Variants in NFAM1 observed in about 807,000 individuals in gnomAD.
NFAM1 encodes NFAT activating protein with ITAM motif 1.
NFAM1 carries 17 observed loss-of-function variants against 29.0 expected under a neutral mutation model. The observed-to-expected ratio is 0.59, with a 90% confidence interval of 0.40 to 0.88. NFAM1 has a LOEUF of 0.88. Ranked by LOEUF, NFAM1 falls within the 40% of genes least tolerant of loss-of-function variation. The pLI, the probability that NFAM1 is intolerant of heterozygous loss-of-function variation, is 0.00. For synonymous variants in NFAM1, 175 were observed against 147.2 expected, an observed-to-expected ratio of 1.19 and a Z score of -1.36; for missense variants, 324 against 344.6, an observed-to-expected ratio of 0.94 and a Z score of 0.47.
intron 1 of NFAM1, among the ~76,000 whole-genome samples, chr22:42,416,202 G>A (rs1401907948): frequency 6.6e-6 from 1 of 152,230 alleles, no homozygotes; most frequent in Non-Finnish European, 1.5e-5. Flanking sequence ...TAGGAGTGGT[G>A]GCACACGCCT....
chr22:42,434,550 T>G (rs1344773480), upstream of NFAM1, among the ~76,000 whole-genome samples: 2 of 152,206 alleles, frequency 1.3e-5, no homozygotes, highest in Non-Finnish European at 2.9e-5. Context: ...CCAGCAGCCC[T>G]GGCTGCGCTG....
At chr22:42,432,799 T>C (rs886530935), upstream of NFAM1, among the ~76,000 whole-genome samples, 2 of 152,270 alleles carry the variant, frequency 1.3e-5, no homozygotes, top group Non-Finnish European at 2.9e-5. Context: ...AATCCCTTAA[T>C]AATGTGTTTA....
chr22:42,418,097 C>A (rs1312284429), intron 1 of NFAM1, among the ~76,000 whole-genome samples: 2 of 152,182 alleles, frequency 1.3e-5, no homozygotes, highest in African/African-American at 4.8e-5. Context: ...TGTGAGGAAG[C>A]CTTGGGCCTG....
intron 1 of NFAM1, among the ~76,000 whole-genome samples, chr22:42,431,910 CT>C (rs1388543510): frequency 2.0e-5 from 3 of 152,100 alleles, no homozygotes; most frequent in Non-Finnish European, 4.4e-5. Context: ...GGAGCTGTCC[CT>C]CCCCCCTGCC....
intron 3 of NFAM1, among the ~76,000 whole-genome samples, chr22:42,402,664 C>G (rs369429171): frequency 6.7e-6 from 1 of 149,864 alleles, no homozygotes; most frequent in Non-Finnish European, 1.5e-5. Flanking sequence ...GACGGGCCAG[C>G]CGCAGGGAGC....
chr22:42,385,190 C>T lies in NFAM1; in HGVS notation c.784G>A (p.Glu262Lys), dbSNP rs145224229. ...ERPHRFEDDG[E>K]LNLVYENL ...AGATTTTCATAGACCAGGTTAAGTT[C>T]GCCATCATCTTCGAATCTATGCGGT... Residue 262 changes from glutamate (E) to lysine (K), a missense_variant, in exon 6 of 6, where the codon GAA becomes AAA. By Grantham distance (56) the Glu-to-Lys change is moderately conservative. Coordinates refer to ENST00000329021, the MANE Select transcript of NFAM1 (RefSeq NM_145912.8). 7.4e-6 allele frequency: 12 copies of T among 1,612,878 alleles called. No homozygotes were observed. Among genetic ancestry groups the T allele is most frequent in the Admixed American group, 3.3e-5 (2 of 60,002 alleles).
At chr22:42,417,156 G>T (rs573790632) in intron 1 of NFAM1, among the ~76,000 whole-genome samples, 1 of 152,204 alleles carries the variant, frequency 6.6e-6, no homozygotes, top group Admixed American at 6.5e-5. Context: ...GAGGCACCTC[G>T]CCCCTCACCC....
chr22:42,388,586 G>A lies in NFAM1; in HGVS notation c.664-1508C>T, dbSNP rs554648457. 8.5e-5 allele frequency among the ~76,000 whole-genome samples: 13 copies of A among 152,278 alleles called. No homozygotes were observed. The East Asian group carries it at 1.4e-3, about 16-fold the overall frequency. On this transcript the variant is annotated intron_variant, in intron 4 of 5. Transcript: ENST00000329021. The surrounding 1 kb of genome is among the most constrained non-coding windows in gnomAD (Gnocchi z 4.1). Reference sequence around the variant, plus strand: ...GGTTTCCCTGGCAACAGGCAAGCAGGGGTTGCTGAGGCAGGCTGGAGAGAC... The same window carrying A: ...GGTTTCCCTGGCAACAGGCAAGCAGAGGTTGCTGAGGCAGGCTGGAGAGAC...
At chr22:42,407,493 C>T (rs1222095325) in intron 3 of NFAM1, among the ~76,000 whole-genome samples, 1 of 152,060 alleles carries the variant, frequency 6.6e-6, no homozygotes, top group East Asian at 1.9e-4. Flanking sequence ...TTCAGCCTCC[C>T]AAGTAGCTGG....
rs1052666515 is a variant in NFAM1 at position 42,384,741 on chromosome 22, C to T, written c.*420G>A. ...CGGCTCCCCACACAGCACTGCTAGG[C>T]GCCCCTGCAGGGTCCTCCCTCAGCT... On this transcript the variant is annotated 3_prime_UTR_variant, in exon 6 of 6. Coordinates refer to ENST00000329021, the MANE Select transcript of NFAM1 (RefSeq NM_145912.8). The T allele has an allele frequency of 3.1e-5, 7 of 223,050 alleles. No individual in the cohort carries two copies. Among genetic ancestry groups the T allele is most frequent in the South Asian group, 6.5e-5 (1 of 15,348 alleles). The allele number at this position is 223,050 out of a possible 1,614,324, so 13.8% of individuals were successfully genotyped here.
chr22:42,380,841 T>C lies in NFAM1; in HGVS notation c.*4320A>G, dbSNP rs1323770271. 6.6e-6 allele frequency: 1 copy of C among 152,278 alleles called. No homozygotes were observed. Among genetic ancestry groups the C allele is most frequent in the African/African-American group, 2.4e-5 (1 of 41,346 alleles). The allele number at this position is 152,278 out of a possible 1,614,324, so 9.4% of individuals were successfully genotyped here. A position where few individuals can be genotyped will look rare whatever the true frequency, so the allele number is the denominator to read the frequency against. On this transcript the variant is annotated 3_prime_UTR_variant, in exon 6 of 6. Coordinates refer to ENST00000329021, the MANE Select transcript of NFAM1 (RefSeq NM_145912.8). ...GAGAAAGAAAAAGGAAAAGCAGGTT[T>C]TGCCTGTAACTTGAGTTCAGGTTTG...
intron 1 of NFAM1, among the ~76,000 whole-genome samples, chr22:42,415,126 C>T (rs140817000): frequency 3.7e-4 from 57 of 152,070 alleles, no homozygotes; most frequent in African/African-American, 1.1e-3. Context: ...GAGAGGAAGC[C>T]GTCTCTGACG....
At position 42,384,510 on chromosome 22, in the gene NFAM1, C is replaced by T. The variant is rs561540036; in HGVS notation, c.*651G>A. On this transcript the variant is annotated 3_prime_UTR_variant, in exon 6 of 6. Transcript: ENST00000329021. ...CCAAGCCCTCTCTGCTCCATGCCCCCAGCCTGCTGACCACCTCTCAGCCAT... is the reference window on the plus strand; with the variant it reads ...CCAAGCCCTCTCTGCTCCATGCCCCTAGCCTGCTGACCACCTCTCAGCCAT... 2.6e-5 allele frequency: 4 copies of T among 156,406 alleles called. No homozygotes were observed. Among genetic ancestry groups the T allele is most frequent in the African/African-American group, 9.6e-5 (4 of 41,596 alleles). 9.7% of individuals were successfully genotyped at this position (156,406 alleles called of 1,614,324 possible).
rs1323789320 is a variant in NFAM1, at chr22:42,398,381, A to ATTT, written c.565-428_565-426dup. 3.5e-3 allele frequency among the ~76,000 whole-genome samples: 393 copies of ATTT among 111,152 alleles called. 4 individuals are homozygous for ATTT. Among genetic ancestry groups the ATTT allele is most frequent in the African/African-American group, 0.013 (359 of 27,434 alleles). The allele number at this position is 111,152 out of a possible 152,430, so 72.9% of individuals were successfully genotyped here. Reference sequence around the variant, plus strand: ...CAGTTCCCCTCTGGGCCTTGGTTTTATTTATTATTATTATTATTATTATTA... The same window carrying ATTT: ...CAGTTCCCCTCTGGGCCTTGGTTTTATTTTTTATTATTATTATTATTATTATTA... On this transcript the variant is annotated intron_variant, in intron 3 of 5. Transcript: ENST00000329021.
chr22:42,397,566 T>G (rs1340532951), intron 4 of NFAM1, among the ~76,000 whole-genome samples: 1 of 152,190 alleles, frequency 6.6e-6, no homozygotes, highest in Non-Finnish European at 1.5e-5. Flanking sequence ...CGCCAACTTG[T>G]GCCGTCACTA....
upstream of NFAM1, among the ~76,000 whole-genome samples, chr22:42,433,516 C>G (rs1373592613): frequency 5.3e-5 from 8 of 152,196 alleles, no homozygotes; most frequent in African/African-American, 1.9e-4. Flanking sequence ...CCTGCTACTG[C>G]CTGCTCAGGT....
intron 1 of NFAM1, among the ~76,000 whole-genome samples, chr22:42,428,640 CG>C (rs1930701613): frequency 6.6e-6 from 1 of 152,184 alleles, no homozygotes; most frequent in Admixed American, 6.5e-5. Flanking sequence ...CCAAGGCTCA[CG>C]GTCCCACCAG....
At chr22:42,406,820 G>C (rs1333122545) in intron 3 of NFAM1, among the ~76,000 whole-genome samples, 2 of 151,914 alleles carry the variant, frequency 1.3e-5, no homozygotes, top group Non-Finnish European at 2.9e-5. Flanking sequence ...TGTCGCCCAG[G>C]CTGGAGTGCA....
At position 42,381,860 on chromosome 22, in the gene NFAM1, T is replaced by C. The variant is rs10854752; in HGVS notation, c.*3301A>G. The C allele has an allele frequency of 0.55, 83,218 of 152,390 alleles. 25,179 individuals carry two copies. Among genetic ancestry groups the C allele is most frequent in the African/African-American group, 0.83 (34,243 of 41,484 alleles). 9.4% of individuals were successfully genotyped at this position (152,390 alleles called of 1,614,324 possible). A position where few individuals can be genotyped will look rare whatever the true frequency, so the allele number is the denominator to read the frequency against. Reference sequence around the variant, plus strand: ...CTGTCCATCTGATCGTGCTACCCCGTAGGCACTCCTTAAAGGCATGGCTGC... The same window carrying C: ...CTGTCCATCTGATCGTGCTACCCCGCAGGCACTCCTTAAAGGCATGGCTGC... On this transcript the variant is annotated 3_prime_UTR_variant, in exon 6 of 6. Transcript: ENST00000329021.
Sources: allele counts gnomAD v4.1 joint callset (sites outside exome capture counted in the v4.1 genomes callset), GRCh38; gene constraint gnomAD v4.1.1; non-coding constraint Gnocchi (gnomAD v3.1); transcripts MANE v1.5; gene names NCBI Gene and HGNC (gene_info 2026-07-23, HGNC 2026-07-21).